The following CDK7 variants were observed in gnomAD, a reference collection of about 807,000 sequenced individuals.
CDK7 encodes cyclin-dependent kinase 7.
In CDK7, 25 loss-of-function variants were observed where a neutral mutation model predicts 49.1. The observed-to-expected ratio is 0.51, with a 90% CI of 0.37 to 0.71. CDK7 has a LOEUF of 0.71. CDK7 is among the 30% of genes least tolerant of loss of function. The probability of loss-of-function intolerance (pLI) is 0.00; values close to 1 mark genes in which losing one functional copy is unlikely to be tolerated. For missense variants in CDK7, 316 were observed against 411.7 expected (o/e 0.77, Z 2.01); for synonymous variants, 107 against 140.0 (o/e 0.76, Z 1.67).
chr5:69,264,534 A>G (rs564383843), intron 8 of CDK7, among the ~76,000 whole-genome samples: 3 of 152,158 alleles, frequency 2.0e-5, no homozygotes, highest in Admixed American at 6.5e-5. Context: ...TAGATGGACT[A>G]TAGTAGAGAA....
chr5:69,243,826 G>GTTTTTTTTTTTT (rs747576681), intron 2 of CDK7, among the ~76,000 whole-genome samples: 2 of 66,402 alleles, frequency 3.0e-5, no homozygotes, highest in East Asian at 5.7e-4. Context: ...AATGATAGTT[G>GTTTTTTTTTTTT]TTTTTTTTTT....
At chr5:69,251,433 C>T (rs1024468846) in intron 2 of CDK7, among the ~76,000 whole-genome samples, 3 of 152,054 alleles carry the variant, frequency 2.0e-5, no homozygotes, top group African/African-American at 4.8e-5. Context: ...TTTGTAGAGA[C>T]GGGGTCTTGC....
At chr5:69,264,650 A>G (rs1306067831) in intron 8 of CDK7, among the ~76,000 whole-genome samples, 1 of 152,174 alleles carries the variant, frequency 6.6e-6, no homozygotes, top group Non-Finnish European at 1.5e-5. Flanking sequence ...CTAGATGTGA[A>G]TCGTCAGACT....
chr5:69,263,017 G>A (rs1331325531), intron 8 of CDK7, among the ~76,000 whole-genome samples: 4 of 152,130 alleles, frequency 2.6e-5, no homozygotes, highest in Non-Finnish European at 5.9e-5. Context: ...TATAACTTAA[G>A]CCTTGTGTGA....
chr5:69,270,142 A>G (rs999719156), intron 9 of CDK7, among the ~76,000 whole-genome samples: 1 of 151,460 alleles, frequency 6.6e-6, no homozygotes, highest in East Asian at 2.0e-4. Context: ...ATAATTCACA[A>G]TTATATATTG....
chr5:69,255,316 T>C (rs918904780), intron 4 of CDK7, 144 bp from the exon 5 acceptor site: 14 of 524,234 alleles, frequency 2.7e-5, no homozygotes, highest in Non-Finnish European at 4.4e-5. Flanking sequence ...AAAGGACAAA[T>C]GTCAAATTTA....
chr5:69,236,499 C>T (rs1748982708), intron 2 of CDK7, among the ~76,000 whole-genome samples: 1 of 151,760 alleles, frequency 6.6e-6, no homozygotes, highest in Admixed American at 6.6e-5. Context: ...CTTCAAAAAC[C>T]CTAACTCCTT....
chr5:69,276,434 G>T, intron 10 of CDK7, 109 bp from the exon 11 acceptor site: 1 of 884,162 alleles, frequency 1.1e-6, no homozygotes, highest in Non-Finnish European at 1.8e-6. Context: ...TGGGAATGAG[G>T]GCATTCACAT....
intron 8 of CDK7, among the ~76,000 whole-genome samples, chr5:69,266,825 G>T (rs549572589): frequency 6.6e-6 from 1 of 152,166 alleles, no homozygotes; most frequent in Non-Finnish European, 1.5e-5. Context: ...GGCATTAGGA[G>T]TTGGTGGCGG....
intron 8 of CDK7, among the ~76,000 whole-genome samples, chr5:69,265,219 C>G (rs1020043553): frequency 1.3e-5 from 2 of 151,482 alleles, no homozygotes; most frequent in Admixed American, 6.6e-5. Flanking sequence ...GAGCCAAGAT[C>G]GCACCACTGC....
chr5:69,237,668 C>G (rs545243314), intron 2 of CDK7, among the ~76,000 whole-genome samples: 3 of 152,126 alleles, frequency 2.0e-5, no homozygotes, highest in African/African-American at 7.2e-5. Context: ...ATTGGCCTTT[C>G]AGCTGGGCGC....
At chr5:69,235,974 C>T (rs745693702) in intron 2 of CDK7, among the ~76,000 whole-genome samples, 1 of 152,214 alleles carries the variant, frequency 6.6e-6, no homozygotes, top group South Asian at 2.1e-4. Flanking sequence ...GCCGCGGTGG[C>T]TCACGCCTGT....
At chr5:69,256,856 G>GA (rs1325497554) in intron 5 of CDK7, among the ~76,000 whole-genome samples, 1 of 148,784 alleles carries the variant, frequency 6.7e-6, no homozygotes, top group African/African-American at 2.5e-5. Context: ...TTCCCATCTC[G>GA]AAAAAAGAAA....
At chr5:69,255,428 G>A (rs1750421795) in intron 4 of CDK7, 32 bp from the exon 5 acceptor site, 1 of 1,351,720 alleles carries the variant, frequency 7.4e-7, no homozygotes, top group Non-Finnish European at 1.0e-6. Context: ...GTATTAAATA[G>A]TGAATCACAT....
chr5:69,265,035 A>C (rs370674703), intron 8 of CDK7, among the ~76,000 whole-genome samples: 5 of 152,056 alleles, frequency 3.3e-5, no homozygotes, highest in African/African-American at 1.2e-4. Flanking sequence ...AGGCTGAGGC[A>C]GGCAGATCAC....
intron 2 of CDK7, among the ~76,000 whole-genome samples, chr5:69,243,767 T>A (rs1441013667): frequency 7.6e-6 from 1 of 131,652 alleles, no homozygotes; most frequent in African/African-American, 2.7e-5. Flanking sequence ...TCCATGAATA[T>A]GAATTATCTT....
intron 8 of CDK7, among the ~76,000 whole-genome samples, chr5:69,262,735 A>C (rs1206954898): frequency 6.6e-6 from 1 of 152,200 alleles, no homozygotes; most frequent in Non-Finnish European, 1.5e-5. Flanking sequence ...TACAACAAAA[A>C]GCCTACAAAT....
At chr5:69,236,978 T>TTTTA (rs1472661791) in intron 2 of CDK7, among the ~76,000 whole-genome samples, 2 of 146,658 alleles carry the variant, frequency 1.4e-5, no homozygotes, top group East Asian at 2.0e-4. Context: ...TTTTTTTTTT[T>TTTTA]TAACTTTTTT....
intron 6 of CDK7, among the ~76,000 whole-genome samples, 169 bp from the exon 7 acceptor site, chr5:69,259,649 A>G (rs1750694220): frequency 2.0e-5 from 3 of 152,174 alleles, no homozygotes; most frequent in African/African-American, 7.2e-5. Flanking sequence ...ATTATAACCA[A>G]TCCAATTTTG....
Sources: allele counts gnomAD v4.1 joint callset (sites outside exome capture counted in the v4.1 genomes callset), GRCh38; gene constraint gnomAD v4.1.1; transcripts MANE v1.5; gene names NCBI Gene and HGNC (gene_info 2026-07-23, HGNC 2026-07-21).